Variants in PNPLA7 observed in about 807,000 individuals in gnomAD.
PNPLA7 encodes patatin-like phospholipase domain-containing protein 7.
In PNPLA7, 153 loss-of-function variants were observed where a neutral mutation model predicts 161.7. The observed-to-expected ratio is 0.95, with a 90% confidence interval of 0.83 to 1.08. The LOEUF (loss-of-function observed/expected upper bound fraction) is 1.08, where lower values mean the gene tolerates loss of function less well. Among genes scored for constraint, PNPLA7 ranks in the 50% least tolerant of loss-of-function variants. The probability of loss-of-function intolerance (pLI) is 0.00; values close to 1 mark genes in which losing one functional copy is unlikely to be tolerated. For missense variants in PNPLA7, 1,739 were observed against 1,856.6 expected, an observed-to-expected ratio of 0.94 and a Z score of 1.16; for synonymous variants, 809 against 782.1, an observed-to-expected ratio of 1.03 and a Z score of -0.57.
At chr9:137,498,352 G>A (rs1028198404) in intron 16 of PNPLA7, 107 bp from the exon 17 acceptor site, 42 of 1,491,608 alleles carry the variant, frequency 2.8e-5, no homozygotes, top group Middle Eastern at 1.8e-4. Context: ...CACCCCACCC[G>A]GAAAGTAGAG....
At position 137,541,616 on chromosome 9, in the gene PNPLA7, G is replaced by A. The variant is rs1269469851; in HGVS notation, c.667-894C>T. The A allele has an allele frequency of 9.4e-6, 4 of 425,324 alleles. No individual in the cohort carries two copies. Among genetic ancestry groups the A allele is most frequent in the African/African-American group, 4.3e-5 (2 of 46,450 alleles). 26.3% of individuals were successfully genotyped at this position (425,324 alleles called of 1,614,324 possible). A position where few individuals can be genotyped will look rare whatever the true frequency, so the allele number is the denominator to read the frequency against. On this transcript the variant is annotated intron_variant, in intron 7 of 34. Transcript: ENST00000406427. This position sits in a 1 kb window ranked among gnomAD's most constrained non-coding sequence, Gnocchi z 4.4. ...GAACAAGCAATGGGAAGTCTGGGTC[G>A]CAAACTGCCCAGACAGACAAAGCCA...
At chr9:137,466,631 T>C (rs1210511285) in intron 26 of PNPLA7, among the ~76,000 whole-genome samples, 1,804 of 33,930 alleles carry the variant, frequency 0.053, no homozygotes, top group Middle Eastern at 0.068. Flanking sequence ...GACCACCTCC[T>C]ACCACCATCT....
chr9:137,497,176 C>T lies in PNPLA7; in HGVS notation c.2013+11G>A. 6.4e-7 allele frequency: 1 copy of T among 1,563,014 alleles called. No individual in the cohort carries two copies. The highest frequency in any genetic ancestry group is 8.7e-7 in the Non-Finnish European group (1 of 1,156,008). On this transcript the variant is annotated intron_variant, in intron 18 of 34. Coordinates refer to ENST00000406427, the MANE Select transcript of PNPLA7 (RefSeq NM_001098537.3). ...GAGGTGGGGGAGGCAGGAGCAGGGC[C>T]CAGCACCTACCACGCCGACGAGGTC...
chr9:137,506,824 A>C (rs972681346), intron 12 of PNPLA7, among the ~76,000 whole-genome samples: 1 of 152,266 alleles, frequency 6.6e-6, no homozygotes, highest in African/African-American at 2.4e-5. Flanking sequence ...GGGGTCACGC[A>C]CTTCCAGGCA....
At chr9:137,501,344 C>T (rs1833403564) in intron 15 of PNPLA7, among the ~76,000 whole-genome samples, 1 of 152,246 alleles carries the variant, frequency 6.6e-6, no homozygotes, top group Non-Finnish European at 1.5e-5. Flanking sequence ...GAAACCACTC[C>T]AAGGCCACTT....
chr9:137,501,642 C>T lies in PNPLA7; in HGVS notation c.1551+8G>A. 1 of 1,611,588 alleles carries T rather than the reference C, an allele frequency of 6.2e-7. No homozygotes were observed. Among genetic ancestry groups the T allele is most frequent in the Non-Finnish European group, 8.5e-7 (1 of 1,179,480 alleles). Reference sequence around the variant, plus strand: ...GGTCCCAGTGCCCCCCCCCAGACCCCCGCTCACCTGGTCTCCCTGCCTTGA... The same window carrying T: ...GGTCCCAGTGCCCCCCCCCAGACCCTCGCTCACCTGGTCTCCCTGCCTTGA... On this transcript the variant is annotated splice_region_variant and intron_variant, in intron 15 of 34. Transcript: ENST00000406427.
rs942709652 is a variant in PNPLA7 at position 137,509,872 on chromosome 9, G to A, written c.1226-3789C>T. On this transcript the variant is annotated intron_variant, in intron 12 of 34. Coordinates refer to ENST00000406427, the MANE Select transcript of PNPLA7 (RefSeq NM_001098537.3). ...TAGTTATACCAGATATAGATCTTAG[G>A]TATGATTATATATGAATATCATTAA... is the stretch of plus-strand genomic sequence containing the variant. 4.1e-5 allele frequency: 15 copies of A among 363,592 alleles called. No individual in the cohort carries two copies. In the East Asian group the frequency reaches 7.6e-4, roughly 18 times the overall value. 22.5% of individuals were successfully genotyped at this position (363,592 alleles called of 1,614,324 possible).
chr9:137,464,515 A>G (rs1225478535), intron 26 of PNPLA7, 59 bp from the exon 27 acceptor site: 1 of 1,480,518 alleles, frequency 6.8e-7, no homozygotes, highest in African/African-American at 1.4e-5. Context: ...CTGCCACAGC[A>G]GACACGTGGC....
At position 137,490,406 on chromosome 9, in the gene PNPLA7, G is replaced by A. The variant is rs564758195; in HGVS notation, c.2197+2607C>T. Among the ~76,000 whole-genome samples the A allele has an allele frequency of 2.0e-5, 3 of 152,292 alleles. No individual in the cohort carries two copies. In the East Asian group the frequency reaches 5.8e-4, roughly 29 times the overall value. On this transcript the variant is annotated intron_variant, in intron 20 of 34. Coordinates refer to ENST00000406427, the MANE Select transcript of PNPLA7 (RefSeq NM_001098537.3). This position sits in a 1 kb window ranked among gnomAD's most constrained non-coding sequence, Gnocchi z 4.1. ...CACTGTGCCTGGTCAAAACATTCTT[G>A]AACACAGCTAGAGAGAAATGATGCG... is the stretch of plus-strand genomic sequence containing the variant.
At chr9:137,521,162 G>A (rs1307148531) in intron 10 of PNPLA7, among the ~76,000 whole-genome samples, 1 of 152,188 alleles carries the variant, frequency 6.6e-6, no homozygotes, top group Non-Finnish European at 1.5e-5. Flanking sequence ...GCCTCTCCTG[G>A]ACAGGGCTGT....
rs540317628 is a variant in PNPLA7, at chr9:137,499,209, C to G, written c.1758-964G>C. On this transcript the variant is annotated intron_variant, in intron 16 of 34. Coordinates refer to ENST00000406427, the MANE Select transcript of PNPLA7 (RefSeq NM_001098537.3). This position sits in a 1 kb window ranked among gnomAD's most constrained non-coding sequence, Gnocchi z 5.5. ...ACACGGACACAGGCAGACACACAGG[C>G]ACACCGAGACACACACAGACACACA... 2.0e-3 allele frequency among the ~76,000 whole-genome samples: 303 copies of G among 147,822 alleles called. No homozygotes were observed. Among genetic ancestry groups the G allele is most frequent in the Non-Finnish European group, 3.6e-3 (236 of 66,420 alleles).
rs1836581794 is a variant in PNPLA7 at position 137,547,246 on chromosome 9, C to T, written c.193+63G>A. On this transcript the variant is annotated intron_variant, in intron 3 of 34. Coordinates refer to ENST00000406427, the MANE Select transcript of PNPLA7 (RefSeq NM_001098537.3). The surrounding 1 kb of genome is among the most constrained non-coding windows in gnomAD (Gnocchi z 4.6). ...GGGCCCCTCCCAGGGGCTCAAAACA[C>T]ATCCCAAGACACCCACGCTTTCCCC... 2 of 1,512,502 alleles carry T rather than the reference C, an allele frequency of 1.3e-6. No homozygotes were observed. Among genetic ancestry groups the T allele is most frequent in the African/African-American group, 1.4e-5 (1 of 72,810 alleles). 93.7% of individuals were successfully genotyped at this position (1,512,502 alleles called of 1,614,324 possible). A position where few individuals can be genotyped will look rare whatever the true frequency, so the allele number is the denominator to read the frequency against.
chr9:137,478,362 G>A (rs552091242), intron 24 of PNPLA7: 50 of 394,270 alleles, frequency 1.3e-4, no homozygotes, highest in African/African-American at 9.6e-4. Flanking sequence ...ACTGGGGGGA[G>A]GACACTGGCA....
At position 137,476,865 on chromosome 9, in the gene PNPLA7, T is replaced by C. The variant is rs1831961379; in HGVS notation, c.2882+1169A>G. On this transcript the variant is annotated intron_variant, in intron 25 of 34. Transcript: ENST00000406427. The surrounding 1 kb of genome is among the most constrained non-coding windows in gnomAD (Gnocchi z 4.5). ...CTTCCGCAGCTTTCAAGAGAAAATG[T>C]GGCACAAGACAAGGTGGAAAGTCCC... is the stretch of plus-strand genomic sequence containing the variant. Among the ~76,000 whole-genome samples, 3 of 152,214 alleles carry C rather than the reference T, an allele frequency of 2.0e-5. No individual in the cohort carries two copies. In the South Asian group the frequency reaches 6.2e-4, roughly 32 times the overall value.
rs1832477435 is a variant in PNPLA7, at chr9:137,486,249, G to C, written c.2198-1513C>G. Among the ~76,000 whole-genome samples, 1 of 152,106 alleles carries C rather than the reference G, an allele frequency of 6.6e-6. No individual in the cohort carries two copies. The highest frequency in any genetic ancestry group is 2.1e-4 in the South Asian group (1 of 4,830). ...GCCTGGGGACACAGAACCAAGTGAG[G>C]GCTTAAGGGCCACTCCCTGCAGACG... On this transcript the variant is annotated intron_variant, in intron 20 of 34. Transcript: ENST00000406427. This position sits in a 1 kb window ranked among gnomAD's most constrained non-coding sequence, Gnocchi z 6.0.
chr9:137,505,000 C>A (rs1833835144), intron 14 of PNPLA7, among the ~76,000 whole-genome samples: 1 of 151,984 alleles, frequency 6.6e-6, no homozygotes, highest in Non-Finnish European at 1.5e-5. Context: ...ACCAGCCTGG[C>A]CAACATGGTG....
chr9:137,469,010 C>T (rs1375242271), intron 25 of PNPLA7, among the ~76,000 whole-genome samples: 2 of 152,114 alleles, frequency 1.3e-5, no homozygotes, highest in African/African-American at 2.4e-5. Flanking sequence ...CACCATTGCA[C>T]TCCAGCCTGG....
intron 23 of PNPLA7, chr9:137,479,743 C>G (rs1832116677): frequency 1.0e-6 from 1 of 985,310 alleles, no homozygotes; most frequent in South Asian, 4.7e-5. Flanking sequence ...GAGCCCGAGG[C>G]CTCGCCTGCA....
At position 137,460,185 on chromosome 9, in the gene PNPLA7, A is replaced by G. The variant is rs939394755; in HGVS notation, c.*208T>C. ...GGCCTCACAGAGCTTCAGGGGCCTCACAGGACTGCAGGGGGGCTCACAGGG... is the reference window on the plus strand; with the variant it reads ...GGCCTCACAGAGCTTCAGGGGCCTCGCAGGACTGCAGGGGGGCTCACAGGG... On this transcript the variant is annotated 3_prime_UTR_variant, in exon 35 of 35. Coordinates refer to ENST00000406427, the MANE Select transcript of PNPLA7 (RefSeq NM_001098537.3). 1.5e-5 allele frequency: 8 copies of G among 519,834 alleles called. No homozygotes were observed. In the African/African-American group the frequency reaches 1.5e-4, roughly 10 times the overall value. 32.2% of individuals were successfully genotyped at this position (519,834 alleles called of 1,614,324 possible).
Sources: allele counts gnomAD v4.1 joint callset (sites outside exome capture counted in the v4.1 genomes callset), GRCh38; gene constraint gnomAD v4.1.1; non-coding constraint Gnocchi (gnomAD v3.1); transcripts MANE v1.5; gene names NCBI Gene and HGNC (gene_info 2026-07-23, HGNC 2026-07-21).